TBC1D15: variants seen among roughly 807,000 people sequenced by gnomAD.
TBC1D15 encodes TBC1 domain family member 15.
TBC1D15 carries 39 observed loss-of-function variants against 95.4 expected under a neutral mutation model. The observed-to-expected ratio is 0.41, with a 90% CI of 0.32 to 0.53. TBC1D15 has a LOEUF of 0.53. Ranked by LOEUF, TBC1D15 falls within the 20% of genes least tolerant of loss-of-function variation. The probability of loss-of-function intolerance (pLI) is 0.29; values close to 1 mark genes in which losing one functional copy is unlikely to be tolerated. For missense variants in TBC1D15, 733 were observed against 794.3 expected (o/e 0.92, Z 0.93); for synonymous variants, 258 against 261.3 (o/e 0.99, Z 0.12).
chr12:71,878,851 A>G (rs1165053776), intron 3 of TBC1D15, among the ~76,000 whole-genome samples: 2 of 151,866 alleles, frequency 1.3e-5, no homozygotes, highest in Admixed American at 1.3e-4. Context: ...AACTAGTCAA[A>G]CAAGAAATGA....
intron 12 of TBC1D15, among the ~76,000 whole-genome samples, chr12:71,916,833 C>T (rs1217321568): frequency 6.6e-6 from 1 of 152,090 alleles, no homozygotes; most frequent in African/African-American, 2.4e-5. Flanking sequence ...CCCAGCAGTT[C>T]CCAAACTTTG....
intron 14 of TBC1D15, 98 bp from the exon 15 acceptor site, chr12:71,920,633 A>T: frequency 2.1e-6 from 2 of 935,352 alleles, no homozygotes; most frequent in Non-Finnish European, 3.4e-6. Context: ...GGCAACATCT[A>T]CTTTGCATAG....
chr12:71,893,958 A>G (rs1277404748), intron 6 of TBC1D15, among the ~76,000 whole-genome samples: 1 of 149,954 alleles, frequency 6.7e-6, no homozygotes, highest in Non-Finnish European at 1.5e-5. Flanking sequence ...TAAGATATAG[A>G]GGGAACTTTA....
intron 16 of TBC1D15, among the ~76,000 whole-genome samples, chr12:71,921,902 T>C (rs1869511977): frequency 1.3e-5 from 2 of 152,226 alleles, no homozygotes; most frequent in African/African-American, 4.8e-5. Context: ...TTTGATGTAT[T>C]ATCTGAATTT....
At chr12:71,905,500 A>AT (rs1310700869) in intron 10 of TBC1D15, among the ~76,000 whole-genome samples, 2 of 151,790 alleles carry the variant, frequency 1.3e-5, no homozygotes, top group African/African-American at 4.8e-5. Context: ...TAATTTTTGT[A>AT]TTTTTTGTAG....
intron 1 of TBC1D15, among the ~76,000 whole-genome samples, chr12:71,867,618 A>G (rs141371073): frequency 5.3e-5 from 8 of 152,338 alleles, no homozygotes; most frequent in African/African-American, 1.9e-4. Flanking sequence ...CACTCCAAAT[A>G]CCTGAAATCC....
chr12:71,884,705 G>C, intron 4 of TBC1D15, 106 bp from the exon 5 acceptor site: 9 of 933,878 alleles, frequency 9.6e-6, no homozygotes, highest in Non-Finnish European at 1.5e-5. Context: ...GTGCTATACT[G>C]ATTCCCTGGG....
intron 7 of TBC1D15, 114 bp downstream of exon 7, chr12:71,894,997 C>CAA: frequency 1.0e-6 from 1 of 973,838 alleles, no homozygotes; most frequent in Non-Finnish European, 1.5e-6. Flanking sequence ...CTGTTCTTAA[C>CAA]AACTTTTTGC....
At position 71,897,863 on chromosome 12, in the gene TBC1D15, A is replaced by G. The variant is rs762390294; in HGVS notation, c.1105A>G (p.Met369Val). 44 of 1,612,436 alleles carry G rather than the reference A, an allele frequency of 2.7e-5. No individual in the cohort carries two copies. The highest frequency in any genetic ancestry group is 3.6e-5 in the Non-Finnish European group (42 of 1,178,968). ...QKQKTDEYFR[M>V]KLQWKSISQE... ...TTTCTATAGTGATGAATACTTCAGA[A>G]TGAAACTGCAGTGGAAATCCATCAG... Residue 369 changes from methionine (M) to valine (V), a missense_variant, in exon 10 of 17, where the codon ATG (methionine) becomes GTG (valine). Physicochemically the swap from Met to Val is conservative, Grantham distance 21. Coordinates refer to ENST00000485960, the MANE Select transcript of TBC1D15 (RefSeq NM_001146213.3).
rs1292776100 is a variant in TBC1D15 at position 71,896,787 on chromosome 12, A to G, written c.1088+7A>G. The G allele has an allele frequency of 1.9e-6, 3 of 1,605,044 alleles. No individual in the cohort carries two copies. Among genetic ancestry groups the G allele is most frequent in the Non-Finnish European group, 2.6e-6 (3 of 1,173,214 alleles). On this transcript the variant is annotated splice_region_variant and intron_variant, in intron 9 of 16. Coordinates refer to ENST00000485960, the MANE Select transcript of TBC1D15 (RefSeq NM_001146213.3). ...AATTACAAAAGCAAAAAACGTAAGT[A>G]ATGGTCTTTCGTACATTTATCAAAG...
chr12:71,914,892 A>G (rs1400032129), intron 12 of TBC1D15, among the ~76,000 whole-genome samples: 1 of 151,848 alleles, frequency 6.6e-6, no homozygotes, highest in Non-Finnish European at 1.5e-5. Flanking sequence ...TTTCTCCTTC[A>G]AATTTTCCCT....
intron 9 of TBC1D15, 111 bp downstream of exon 9, chr12:71,896,891 C>T (rs1898297644): frequency 1.5e-6 from 1 of 674,328 alleles, no homozygotes; most frequent in Admixed American, 3.7e-5. Flanking sequence ...AATGGAAAAA[C>T]AACTTCATTT....
intron 7 of TBC1D15, 89 bp from the exon 8 acceptor site, chr12:71,895,858 A>G: frequency 7.8e-7 from 1 of 1,283,572 alleles, no homozygotes; most frequent in East Asian, 2.5e-5. Flanking sequence ...TCATGTCTGA[A>G]AAACAGTATT....
chr12:71,879,628 G>A (rs576120174), intron 3 of TBC1D15, among the ~76,000 whole-genome samples: 1 of 152,208 alleles, frequency 6.6e-6, no homozygotes, highest in South Asian at 2.1e-4. Context: ...TTTTTTAATT[G>A]AATGGGGCAA....
intron 1 of TBC1D15, among the ~76,000 whole-genome samples, chr12:71,845,249 C>A (rs1036658431): frequency 2.6e-5 from 4 of 152,018 alleles, no homozygotes; most frequent in African/African-American, 9.7e-5. Context: ...TGTGGTATAA[C>A]CAGATGGACA....
chr12:71,909,852 A>G (rs1901745687), intron 11 of TBC1D15, among the ~76,000 whole-genome samples: 1 of 152,148 alleles, frequency 6.6e-6, no homozygotes. Flanking sequence ...AGACTCTGAG[A>G]TCACTAAATG....
At chr12:71,869,421 G>C (rs983472926) in intron 1 of TBC1D15, among the ~76,000 whole-genome samples, 1 of 152,206 alleles carries the variant, frequency 6.6e-6, no homozygotes, top group African/African-American at 2.4e-5. Flanking sequence ...TACTCGGGAG[G>C]CTGAGGCAGG....
At chr12:71,900,565 C>T (rs1428118624) in intron 10 of TBC1D15, among the ~76,000 whole-genome samples, 1 of 152,032 alleles carries the variant, frequency 6.6e-6, no homozygotes, top group Non-Finnish European at 1.5e-5. Flanking sequence ...CATTCATACA[C>T]TCATTCATTC....
At chr12:71,878,865 T>G (rs371100215) in intron 3 of TBC1D15, among the ~76,000 whole-genome samples, 6 of 151,936 alleles carry the variant, frequency 3.9e-5, no homozygotes, top group African/African-American at 1.4e-4. Context: ...GAAATGACAT[T>G]TGAGGAAGGA....
Sources: gnomAD v4.1 joint callset for allele counts (sites outside exome capture counted in the v4.1 genomes callset) on GRCh38, gnomAD v4.1.1 for gene constraint, MANE v1.5 for transcripts, NCBI Gene and HGNC (gene_info 2026-07-23, HGNC 2026-07-21) for gene names.